Variants in SRGAP3 observed in about 807,000 individuals in gnomAD.
SRGAP3 encodes SLIT-ROBO Rho GTPase-activating protein 3.
In SRGAP3, 39 loss-of-function variants were observed where a neutral mutation model predicts 121.1. The observed-to-expected ratio is 0.32, with a 90% CI of 0.25 to 0.42. SRGAP3 has a LOEUF of 0.42. SRGAP3 is among the 10% of genes least tolerant of loss of function. SRGAP3 has a pLI of 1.00. For synonymous variants in SRGAP3, 601 were observed against 570.0 expected, an observed-to-expected ratio of 1.05 and a Z score of -0.77; for missense variants, 1,213 against 1,470.6, an observed-to-expected ratio of 0.82 and a Z score of 2.86.
intron 14 of SRGAP3, among the ~76,000 whole-genome samples, chr3:9,023,253 T>G (rs542677765): frequency 2.0e-5 from 3 of 152,162 alleles, no homozygotes; most frequent in Non-Finnish European, 4.4e-5. Flanking sequence ...TATGGTTCTG[T>G]TCATTGTAAA....
At chr3:9,153,457 A>G (rs1042975321) in intron 1 of SRGAP3, among the ~76,000 whole-genome samples, 8 of 152,172 alleles carry the variant, frequency 5.3e-5, no homozygotes, top group African/African-American at 1.9e-4. Flanking sequence ...AATCCACTCA[A>G]CATATCCTTA....
At chr3:9,289,545 A>C (rs757152088) in intron 3 of SRGAP3, among the ~76,000 whole-genome samples, 1 of 152,216 alleles carries the variant, frequency 6.6e-6, no homozygotes, top group Non-Finnish European at 1.5e-5. Context: ...AGATCCTCGT[A>C]ACAGTTTACT....
rs1374276582 is a variant in SRGAP3, at chr3:8,990,573, C to T, written c.2825G>A (p.Gly942Asp). Reference protein sequence around the residue: ...SEGHSMRSTCGSTRHSSLGDH... With the variant: ...SEGHSMRSTCDSTRHSSLGDH... The stretch of plus-strand genomic sequence containing the variant: ...CCCTAGGCTGCTGTGCCTGGTGGAA[C>T]CGCAGGTCGACCTCATCGAGTGCCC... Residue 942 changes from glycine to aspartate, a missense_variant, in exon 21 of 22, where the codon GGT becomes GAT. Physicochemically the swap from Gly to Asp is moderately conservative, Grantham distance 94. Coordinates refer to ENST00000383836, the MANE Select transcript of SRGAP3 (RefSeq NM_014850.4). The T allele has an allele frequency of 1.3e-6, 2 of 1,588,826 alleles. No homozygotes were observed.
At chr3:9,178,736 A>T (rs1145149) in intron 1 of SRGAP3, among the ~76,000 whole-genome samples, 46,407 of 151,502 alleles carry the variant, frequency 0.31, 8,210 homozygotes, top group South Asian at 0.43. Flanking sequence ...CCCTTCTCCT[A>T]CCTCCTCCTC....
At chr3:9,094,925 T>G (rs2124872294) in intron 3 of SRGAP3, among the ~76,000 whole-genome samples, 1 of 151,802 alleles carries the variant, frequency 6.6e-6, no homozygotes, top group Admixed American at 6.6e-5. Flanking sequence ...CTGGCTAATT[T>G]TTTTAACATT....
At chr3:9,316,234 A>T (rs1031208710) in intron 3 of SRGAP3, among the ~76,000 whole-genome samples, 1 of 151,904 alleles carries the variant, frequency 6.6e-6, no homozygotes, top group Non-Finnish European at 1.5e-5. Context: ...TTTTCAGTGG[A>T]GACCGGGTTT....
chr3:9,241,049 A>G (rs1480725548), intron 1 of SRGAP3, among the ~76,000 whole-genome samples: 1 of 152,090 alleles, frequency 6.6e-6, no homozygotes, highest in Non-Finnish European at 1.5e-5. Flanking sequence ...GCTTTCGTGC[A>G]CCCCGGAAAG....
chr3:9,354,740 T>A (rs1400039672), intron 1 of SRGAP3, among the ~76,000 whole-genome samples: 1 of 148,354 alleles, frequency 6.7e-6, no homozygotes, highest in African/African-American at 2.5e-5. Flanking sequence ...GTAAAAAAGA[T>A]ATCCAGGTTT....
intron 3 of SRGAP3, chr3:9,325,895 T>C (rs371484763): frequency 5.9e-5 from 9 of 151,956 alleles, no homozygotes; most frequent in African/African-American, 2.2e-4. Context: ...AGAAAAAATA[T>C]TCAAGGATAA....
In SRGAP3 at chr3:9,064,593, C is replaced by A; in HGVS notation, c.487-12G>T. 6.2e-6 allele frequency: 10 copies of A among 1,613,804 alleles called. No homozygotes were observed. The highest frequency in any genetic ancestry group is 1.3e-5 in the African/African-American group (1 of 74,950). ...TAGGTTTTCATGACCTGGGGGTGCA[C>A]AAGTAGGGGAAATCAGCAGCCAGCT... On this transcript the variant is annotated splice_polypyrimidine_tract_variant and intron_variant, in intron 4 of 21. Transcript: ENST00000383836.
At chr3:9,248,817 G>T (rs1251763728) in intron 1 of SRGAP3, 68 bp downstream of exon 1, 2 of 1,496,816 alleles carry the variant, frequency 1.3e-6, no homozygotes, top group Non-Finnish European at 9.3e-7. Context: ...GGCAGCGGGG[G>T]ATGGGAACCA....
At chr3:9,178,316 G>T (rs1951253081) in intron 1 of SRGAP3, among the ~76,000 whole-genome samples, 1 of 152,128 alleles carries the variant, frequency 6.6e-6, no homozygotes. Context: ...GCAGCTGGCA[G>T]TCACCTTGAG....
chr3:9,151,716 C>T lies in SRGAP3; in HGVS notation c.68-26799G>A, dbSNP rs1424290043. 9.2e-5 allele frequency among the ~76,000 whole-genome samples: 14 copies of T among 152,290 alleles called. 1 individual carries two copies. The highest frequency in any genetic ancestry group is 3.4e-3 in the Middle Eastern group (1 of 294). ...ACTGTGAAGTTCCCAGCAACAGGGT[C>T]AGCAGGTTGGAGGGAAGTGGCTGTC... On this transcript the variant is annotated intron_variant, in intron 1 of 21. Coordinates refer to ENST00000383836, the MANE Select transcript of SRGAP3 (RefSeq NM_014850.4).
At chr3:9,064,116 A>G (rs1946306953) in intron 5 of SRGAP3, among the ~76,000 whole-genome samples, 1 of 152,174 alleles carries the variant, frequency 6.6e-6, no homozygotes, top group Non-Finnish European at 1.5e-5. Context: ...ATCTCGTCAC[A>G]GTTCAGCTTT....
intron 12 of SRGAP3, among the ~76,000 whole-genome samples, chr3:9,029,105 T>C (rs1944351908): frequency 6.6e-6 from 1 of 152,176 alleles, no homozygotes. Flanking sequence ...GCTGACTAAA[T>C]CTACCAGAAT....
intron 1 of SRGAP3, among the ~76,000 whole-genome samples, chr3:9,345,805 G>GAAAAGAA (rs1955879935): frequency 7.9e-6 from 1 of 126,678 alleles, no homozygotes; most frequent in South Asian, 2.4e-4. Context: ...AAAAAAAAAA[G>GAAAAGAA]AAAAGAAAAA....
chr3:9,237,138 C>A (rs1451493205), intron 1 of SRGAP3, among the ~76,000 whole-genome samples: 5 of 152,128 alleles, frequency 3.3e-5, no homozygotes. Flanking sequence ...CAGTATGCAC[C>A]CCAAAACGTA....
chr3:9,091,170 G>A (rs1947740030), intron 3 of SRGAP3, among the ~76,000 whole-genome samples: 2 of 152,092 alleles, frequency 1.3e-5, no homozygotes, highest in South Asian at 2.1e-4. Context: ...TAATGCAGGA[G>A]TAAGACAGGT....
chr3:9,356,123 T>A (rs1021510967), intron 1 of SRGAP3, among the ~76,000 whole-genome samples: 3 of 151,862 alleles, frequency 2.0e-5, no homozygotes, highest in African/African-American at 4.8e-5. Flanking sequence ...AGTAACATAC[T>A]ACCGGTGAAC....
Sources: allele counts gnomAD v4.1 joint callset (sites outside exome capture counted in the v4.1 genomes callset), GRCh38; gene constraint gnomAD v4.1.1; transcripts MANE v1.5; gene names NCBI Gene and HGNC (gene_info 2026-07-23, HGNC 2026-07-21).